Variants in FBH1 observed in about 807,000 individuals in gnomAD.
FBH1 encodes the protein DNA 3'-5' helicase 1.
Under a neutral mutation model 115.5 loss-of-function variants are expected in FBH1, and 43 were observed. That is an observed-to-expected ratio of 0.37 (90% CI 0.29 to 0.48). FBH1 has a LOEUF of 0.48. FBH1 is among the 20% of genes least tolerant of loss of function. The pLI is 0.99. For missense variants in FBH1, 1,001 were observed against 1,337.3 expected, an observed-to-expected ratio of 0.75 and a Z score of 3.92; for synonymous variants, 524 against 507.8, an observed-to-expected ratio of 1.03 and a Z score of -0.43.
Position 5,906,087 on chromosome 10 carries a change from C to T in FBH1, c.208C>T (p.Pro70Ser). The T allele has an allele frequency of 1.2e-6, 2 of 1,614,022 alleles. No homozygotes were observed. Among genetic ancestry groups the T allele is most frequent in the Non-Finnish European group, 1.7e-6 (2 of 1,179,902 alleles). Residue 70 changes from proline (P) to serine (S), a missense_variant, in exon 3 of 21, where the codon CCG (proline) becomes TCG (serine). Physicochemically the swap from Pro to Ser is moderately conservative, Grantham distance 74 (BLOSUM62 -1). Coordinates refer to ENST00000362091, the MANE Select transcript of FBH1 (RefSeq NM_178150.3). This position sits in a 1 kb window ranked among gnomAD's most constrained non-coding sequence, Gnocchi z 7.3. ...TGAGTTCTTCCTAGCAGGCAAGCAG[C>T]CGTGCACCAATGACATGGCCAAAAG... ...IPEFFLAGKQ[P>S]CTNDMAKSNS...
Position 5,937,218 on chromosome 10 carries a change from G to C in FBH1, c.3070G>C (p.Glu1024Gln), listed in dbSNP as rs1833419456. ...TASPEQVRAM[E>Q]RTVENIVLPR... ...CTCCCCGGAGCAGGTGCGCGCCATG[G>C]AGCGCACTGTGGAGAACATCGTACT... Residue 1024 changes from glutamate (E) to glutamine (Q), a missense_variant, in exon 21 of 21, where the codon GAG becomes CAG. Around this residue, in one of 4 missense-constraint regions of FBH1, gnomAD observed 521 missense variants for 811.0 expected, o/e 0.64. Transcript: ENST00000362091. 2 of 1,613,780 alleles carry C rather than the reference G, an allele frequency of 1.2e-6. No individual in the cohort carries two copies. Among genetic ancestry groups the C allele is most frequent in the South Asian group, 2.2e-5 (2 of 90,984 alleles).
rs1843302595 is a variant in FBH1 at position 5,900,849 on chromosome 10, C to T, written c.2-2171C>T. 6.6e-6 allele frequency among the ~76,000 whole-genome samples: 1 copy of T among 152,164 alleles called. No individual in the cohort carries two copies. The highest frequency in any genetic ancestry group is 2.4e-5 in the African/African-American group (1 of 41,440). On this transcript the variant is annotated intron_variant, in intron 1 of 20. Coordinates refer to ENST00000362091, the MANE Select transcript of FBH1 (RefSeq NM_178150.3). The surrounding 1 kb of genome is among the most constrained non-coding windows in gnomAD (Gnocchi z 4.2). The stretch of plus-strand genomic sequence containing the variant: ...CAGTGGCTCACATCTGTAATCCCAG[C>T]ACTTTGGGAGGCCGAGGTGGACGGA...
rs1010342333 is a variant in FBH1, at chr10:5,928,072, CAA to C, written c.2829+554_2829+555del. On this transcript the variant is annotated intron_variant, in intron 19 of 20. Transcript: ENST00000362091. ...TGGGTGACAGAGCGAGACTCCATCT[CAA>C]AAAAAAAAAAAAAAAAAAAAAAGAT... 9.5e-3 allele frequency among the ~76,000 whole-genome samples: 235 copies of C among 24,730 alleles called. 1 individual carries two copies. The highest frequency in any genetic ancestry group is 0.026 in the African/African-American group (218 of 8,532). 16.2% of individuals were successfully genotyped at this position (24,730 alleles called of 152,430 possible). A position where few individuals can be genotyped will look rare whatever the true frequency, so the allele number is the denominator to read the frequency against.
At position 5,895,082 on chromosome 10, in the gene FBH1, G is replaced by C. The variant is rs746229177; in HGVS notation, c.1+4736G>C. On this transcript the variant is annotated intron_variant, in intron 1 of 20. Coordinates refer to ENST00000362091, the MANE Select transcript of FBH1 (RefSeq NM_178150.3). The surrounding 1 kb of genome is among the most constrained non-coding windows in gnomAD (Gnocchi z 5.0). The stretch of plus-strand genomic sequence containing the variant: ...CTGCCATTGGACCTGTCAAGTGCCT[G>C]AGTCATGTGATAATGGGCTACATTG... The C allele has an allele frequency of 1.2e-6, 2 of 1,613,768 alleles. No individual in the cohort carries two copies. Among genetic ancestry groups the C allele is most frequent in the South Asian group, 2.2e-5 (2 of 91,048 alleles).
chr10:5,906,986 A>G lies in FBH1; in HGVS notation c.753+354A>G, dbSNP rs1010224089. Among the ~76,000 whole-genome samples, 2 of 149,488 alleles carry G rather than the reference A, an allele frequency of 1.3e-5. No homozygotes were observed. The highest frequency in any genetic ancestry group is 5.0e-5 in the African/African-American group (2 of 40,392). On this transcript the variant is annotated intron_variant, in intron 3 of 20. Coordinates refer to ENST00000362091, the MANE Select transcript of FBH1 (RefSeq NM_178150.3). This position sits in a 1 kb window ranked among gnomAD's most constrained non-coding sequence, Gnocchi z 7.3. ...ACTTCTTTTTTTTTTTTTTTGAGACAGAGTTTCCCACTGTTGCCCAGGCTG... is the reference window on the plus strand; with the variant it reads ...ACTTCTTTTTTTTTTTTTTTGAGACGGAGTTTCCCACTGTTGCCCAGGCTG...
chr10:5,896,259 G>A (rs1327840237), intron 1 of FBH1, among the ~76,000 whole-genome samples: 1 of 152,128 alleles, frequency 6.6e-6, no homozygotes, highest in Non-Finnish European at 1.5e-5. Context: ...GGGTCAGAGT[G>A]GGCTGGGAGG....
chr10:5,910,901 T>G lies in FBH1; in HGVS notation c.1021-37T>G. ...TGTGATTCGTATTAACCATGGCCTG[T>G]GGGCTGTCCCTCCCTCCCTGTGCAC... is the stretch of plus-strand genomic sequence containing the variant. On this transcript the variant is annotated intron_variant, in intron 5 of 20. Coordinates refer to ENST00000362091, the MANE Select transcript of FBH1 (RefSeq NM_178150.3). The surrounding 1 kb of genome is among the most constrained non-coding windows in gnomAD (Gnocchi z 4.8). 1.9e-6 allele frequency: 3 copies of G among 1,577,886 alleles called. No individual in the cohort carries two copies. The African/African-American group carries it at 4.0e-5, about 21-fold the overall frequency.
At chr10:5,891,544 G>T (rs186286513) in intron 1 of FBH1, among the ~76,000 whole-genome samples, 2 of 152,272 alleles carry the variant, frequency 1.3e-5, no homozygotes, top group East Asian at 3.9e-4. Context: ...ATCTTCTCTT[G>T]CATTATGTCT....
At chr10:5,928,129 C>T (rs1468074550) in intron 19 of FBH1, among the ~76,000 whole-genome samples, 2 of 138,216 alleles carry the variant, frequency 1.4e-5, no homozygotes, top group East Asian at 2.3e-4. Flanking sequence ...TTCTTAATTT[C>T]TCCTTTACTC....
In FBH1 at chr10:5,895,525, C is replaced by G. The variant is rs751870240; in HGVS notation, c.1+5179C>G. 2.1e-4 allele frequency among the ~76,000 whole-genome samples: 32 copies of G among 152,048 alleles called. No homozygotes were observed. Among genetic ancestry groups the G allele is most frequent in the South Asian group, 4.1e-4 (2 of 4,820 alleles). On this transcript the variant is annotated intron_variant, in intron 1 of 20. Transcript: ENST00000362091. The surrounding 1 kb of genome is among the most constrained non-coding windows in gnomAD (Gnocchi z 5.0). ...TATTTGGTATCCATTTCAAATGATC[C>G]TGAATGGTTAGGGTAAGCTTTGCTG... is the stretch of plus-strand genomic sequence containing the variant.
intron 1 of FBH1, among the ~76,000 whole-genome samples, chr10:5,898,620 G>A (rs1843148751): frequency 6.6e-6 from 1 of 152,116 alleles, no homozygotes; most frequent in South Asian, 2.1e-4. Flanking sequence ...TATGTTGCCA[G>A]GCTGGTCTTG....
chr10:5,891,734 C>T (rs562043169), intron 1 of FBH1, among the ~76,000 whole-genome samples: 36 of 152,322 alleles, frequency 2.4e-4, no homozygotes, highest in Admixed American at 9.1e-4. Context: ...CTCAGCCTCC[C>T]GAGTAGCTGG....
At chr10:5,893,597 A>T (rs1281383988) in intron 1 of FBH1, among the ~76,000 whole-genome samples, 2 of 152,206 alleles carry the variant, frequency 1.3e-5, no homozygotes, top group Non-Finnish European at 2.9e-5. Flanking sequence ...TGATTCTTTC[A>T]AGACTCAACT....
chr10:5,917,648 T>A lies in FBH1; in HGVS notation c.1935T>A (p.Phe645Leu). ...CGCTGGCCTCTTTTGACGCCATCTTTGTGGATGAGGCCCAGGACTGCACAC... is the reference window on the plus strand; with the variant it reads ...CGCTGGCCTCTTTTGACGCCATCTTAGTGGATGAGGCCCAGGACTGCACAC... ...KPSLASFDAI[F>L]VDEAQDCTPA... The change falls in exon 12 of 21, where the codon TTT becomes TTA. Residue 645 changes from phenylalanine (F) to leucine (L), a missense_variant. Physicochemically the swap from Phe to Leu is conservative, Grantham distance 22. Coordinates refer to ENST00000362091, the MANE Select transcript of FBH1 (RefSeq NM_178150.3). The surrounding 1 kb of genome is among the most constrained non-coding windows in gnomAD (Gnocchi z 5.6). The A allele has an allele frequency of 1.2e-6, 2 of 1,614,130 alleles. No individual in the cohort carries two copies. The highest frequency in any genetic ancestry group is 1.7e-6 in the Non-Finnish European group (2 of 1,180,014).
Position 5,915,441 on chromosome 10 carries a change from A to G in FBH1, c.1435A>G (p.Lys479Glu). The G allele has an allele frequency of 6.2e-7, 1 of 1,614,194 alleles. No homozygotes were observed. Among genetic ancestry groups the G allele is most frequent in the Non-Finnish European group, 8.5e-7 (1 of 1,180,036 alleles). Reference protein sequence around the residue: ...KTSTLVKYAEKWSQSRFLYVT... With the variant: ...KTSTLVKYAEEWSQSRFLYVT... ...CTCAACGCTGGTCAAGTATGCAGAG[A>G]AGTGGTCTCAGAGCAGGTTTCTGTA... Residue 479 changes from lysine to glutamate, a missense_variant, in exon 9 of 21, where the codon AAG becomes GAG. Coordinates refer to ENST00000362091, the MANE Select transcript of FBH1 (RefSeq NM_178150.3). The surrounding 1 kb of genome is among the most constrained non-coding windows in gnomAD (Gnocchi z 5.2).
Position 5,915,570 on chromosome 10 carries a change from A to C in FBH1, c.1564A>C (p.Lys522Gln). 1 of 1,614,088 alleles carries C rather than the reference A, an allele frequency of 6.2e-7. No homozygotes were observed. The highest frequency in any genetic ancestry group is 8.5e-7 in the Non-Finnish European group (1 of 1,179,950). ...HSMAYGHIGR[K>Q]YQSKKKLNLF... Reference sequence around the variant, plus strand: ...CATGGCCTACGGGCACATAGGGCGGAAGTGAGTACTGCTGTCACTAGTGGC... The same window carrying C: ...CATGGCCTACGGGCACATAGGGCGGCAGTGAGTACTGCTGTCACTAGTGGC... The change falls in exon 9 of 21, where the codon AAG (lysine) becomes CAG (glutamine). Residue 522 changes from lysine (K) to glutamine (Q), a missense_variant and splice_region_variant. Around this residue, in one of 4 missense-constraint regions of FBH1, gnomAD observed 521 missense variants for 811.0 expected, o/e 0.64. Coordinates refer to ENST00000362091, the MANE Select transcript of FBH1 (RefSeq NM_178150.3). This position sits in a 1 kb window ranked among gnomAD's most constrained non-coding sequence, Gnocchi z 5.2.
rs1173766363 is a variant in FBH1 at position 5,911,584 on chromosome 10, C to G, written c.1211+456C>G. On this transcript the variant is annotated intron_variant, in intron 6 of 20. Transcript: ENST00000362091. The surrounding 1 kb of genome is among the most constrained non-coding windows in gnomAD (Gnocchi z 5.4). ...ACAGGGGCCCCGATGGTTTCCTCAG[C>G]AGGGTGGGGAGTGCCTGGGGGGTTG... is the stretch of plus-strand genomic sequence containing the variant. Among the ~76,000 whole-genome samples the G allele has an allele frequency of 2.0e-5, 3 of 152,118 alleles. No individual in the cohort carries two copies. The highest frequency in any genetic ancestry group is 2.9e-5 in the Non-Finnish European group (2 of 68,014).
In FBH1 at chr10:5,921,670, G is replaced by A. The variant is rs1832324216; in HGVS notation, c.2322+101G>A. ...TTCCTTGGGATTATCATGCAAGAAA[G>A]CATTTGGGTTTTTGACTCTTTCCAC... is the stretch of plus-strand genomic sequence containing the variant. On this transcript the variant is annotated intron_variant, in intron 15 of 20. Coordinates refer to ENST00000362091, the MANE Select transcript of FBH1 (RefSeq NM_178150.3). This position sits in a 1 kb window ranked among gnomAD's most constrained non-coding sequence, Gnocchi z 6.4. The A allele has an allele frequency of 6.6e-7, 1 of 1,508,936 alleles. No individual in the cohort carries two copies. The highest frequency in any genetic ancestry group is 1.3e-5 in the South Asian group (1 of 77,124). 93.5% of individuals were successfully genotyped at this position (1,508,936 alleles called of 1,614,324 possible). A position where few individuals can be genotyped will look rare whatever the true frequency, so the allele number is the denominator to read the frequency against.
At chr10:5,928,107 G>C (rs1186424976) in intron 19 of FBH1, among the ~76,000 whole-genome samples, 4 of 147,360 alleles carry the variant, frequency 2.7e-5, no homozygotes, top group Non-Finnish European at 4.5e-5. Context: ...GATACCAGCA[G>C]TGGTCATGTA....
Sources: gnomAD v4.1 joint callset for allele counts (sites outside exome capture counted in the v4.1 genomes callset) on GRCh38, gnomAD v4.1.1 for gene constraint, gnomAD v4.1.1 regional missense constraint, Gnocchi (gnomAD v3.1) non-coding constraint, MANE v1.5 for transcripts, NCBI Gene and HGNC (gene_info 2026-07-23, HGNC 2026-07-21) for gene names.